The following RTF1 variants were observed in gnomAD, a reference collection of about 807,000 sequenced individuals.
The protein encoded by RTF1 is RNA polymerase-associated protein RTF1 homolog.
RTF1 carries 10 observed loss-of-function variants against 95.7 expected under a neutral mutation model. That is an observed-to-expected ratio of 0.10 (90% CI 0.06 to 0.18). The LOEUF (loss-of-function observed/expected upper bound fraction) is 0.18. Ranked by LOEUF, RTF1 falls within the 10% of genes least tolerant of loss-of-function variation. The pLI is 1.00. For missense variants in RTF1, 458 were observed against 875.6 expected (o/e 0.52, Z 6.02); for synonymous variants, 305 against 311.8 (o/e 0.98, Z 0.23).
At chr15:41,446,245 T>G (rs1319460314) in intron 2 of RTF1, among the ~76,000 whole-genome samples, 1 of 152,018 alleles carries the variant, frequency 6.6e-6, no homozygotes, top group African/African-American at 2.4e-5. Flanking sequence ...GAACTTTTTT[T>G]CCCCCACAGA....
chr15:41,449,839 AT>A (rs1208016187), intron 2 of RTF1, among the ~76,000 whole-genome samples: 1 of 152,042 alleles, frequency 6.6e-6, no homozygotes, highest in Non-Finnish European at 1.5e-5. Context: ...ACTTTTCTAT[AT>A]TTTTAAGGCC....
chr15:41,417,455 C>A (rs1423369822), intron 1 of RTF1, 142 bp downstream of exon 1: 2 of 700,788 alleles, frequency 2.9e-6, no homozygotes, highest in African/African-American at 1.8e-5. Context: ...AGCCCCTTTC[C>A]CGTCTTCCTG....
In RTF1 at chr15:41,471,231, T is replaced by C; in HGVS notation, c.1085T>C (p.Val362Ala). The stretch of plus-strand genomic sequence containing the variant: ...TCCTTACCTGAAGAATTGAATCGGG[T>C]TCGATTATCACGGCATAAGCTAGAA... ...PVSLPEELNR[V>A]RLSRHKLERW... is the part of the protein sequence containing the mutation. Residue 362 changes from valine (V) to alanine (A), a missense_variant, in exon 8 of 18, where the codon GTT becomes GCT. Val to Ala is a moderately conservative substitution (Grantham distance 64). Coordinates refer to ENST00000389629, the MANE Select transcript of RTF1 (RefSeq NM_015138.5). The C allele has an allele frequency of 6.2e-7, 1 of 1,613,670 alleles. No homozygotes were observed. The highest frequency in any genetic ancestry group is 8.5e-7 in the Non-Finnish European group (1 of 1,179,912).
rs1279783164 is a variant in RTF1, at chr15:41,474,057, AAG to A, written c.1204-557_1204-556del. On this transcript the variant is annotated intron_variant, in intron 8 of 17. Transcript: ENST00000389629. ...GTCTCAAAAACAAAAAACAAAAAAA[AAG>A]AGAGACTGGGTCTCTCTGTGTTGCT... 6.7e-4 allele frequency among the ~76,000 whole-genome samples: 101 copies of A among 151,810 alleles called. 1 individual carries two copies. In the South Asian group the frequency reaches 0.015, roughly 22 times the overall value.
At chr15:41,441,653 T>A (rs2050736512) in intron 2 of RTF1, among the ~76,000 whole-genome samples, 1 of 152,208 alleles carries the variant, frequency 6.6e-6, no homozygotes, top group Non-Finnish European at 1.5e-5. Context: ...AGTAAAAAAC[T>A]GCTCATCTTA....
Position 41,471,165 on chromosome 15 carries a change from C to G in RTF1, c.1026-7C>G. 6.3e-7 allele frequency: 1 copy of G among 1,587,608 alleles called. No individual in the cohort carries two copies. The highest frequency in any genetic ancestry group is 8.6e-7 in the Non-Finnish European group (1 of 1,169,104). ...CATTTTTTCCAGTGCCCCTTTGTTC[C>G]TCTTAGGAAAGAAGAGATCCCTCCC... is the stretch of plus-strand genomic sequence containing the variant. On this transcript the variant is annotated splice_polypyrimidine_tract_variant and splice_region_variant and intron_variant, in intron 7 of 17. Transcript: ENST00000389629.
At chr15:41,418,749 C>T (rs2050584589) in intron 1 of RTF1, among the ~76,000 whole-genome samples, 1 of 127,178 alleles carries the variant, frequency 7.9e-6, no homozygotes, top group Non-Finnish European at 1.6e-5. Context: ...GCGGAGGTTG[C>T]AGTGAGCCTG....
At chr15:41,479,063 G>C in intron 15 of RTF1, 40 bp from the exon 16 acceptor site, 1 of 1,411,290 alleles carries the variant, frequency 7.1e-7, no homozygotes, top group Non-Finnish European at 1.0e-6. Context: ...GACTCTGTGA[G>C]TGTCAAGCAA....
chr15:41,429,859 A>C (rs376119205), intron 1 of RTF1, among the ~76,000 whole-genome samples: 1 of 151,294 alleles, frequency 6.6e-6, no homozygotes, highest in Non-Finnish European at 1.5e-5. Flanking sequence ...CCTTCTTAAC[A>C]CTTACCATTA....
intron 1 of RTF1, among the ~76,000 whole-genome samples, chr15:41,422,538 G>A (rs1267520427): frequency 6.6e-6 from 1 of 152,080 alleles, no homozygotes; most frequent in African/African-American, 2.4e-5. Context: ...AAGCATTCAA[G>A]ATAATAAAGG....
intron 14 of RTF1, among the ~76,000 whole-genome samples, chr15:41,477,843 C>T (rs779476097): frequency 6.6e-6 from 1 of 152,198 alleles, no homozygotes; most frequent in Non-Finnish European, 1.5e-5. Flanking sequence ...CGGTGTCTCA[C>T]GCCTGTAATC....
chr15:41,467,762 C>T (rs568774981), intron 6 of RTF1, among the ~76,000 whole-genome samples: 11 of 151,156 alleles, frequency 7.3e-5, no homozygotes, highest in Admixed American at 1.3e-4. Context: ...TAGTGGCTCA[C>T]GCTTGTAATC....
rs2050703517 is a variant in RTF1 at position 41,436,483 on chromosome 15, G to C, written c.199-1838G>C. Among the ~76,000 whole-genome samples the C allele has an allele frequency of 2.7e-5, 4 of 149,508 alleles. No individual in the cohort carries two copies. In the South Asian group the frequency reaches 8.5e-4, roughly 32 times the overall value. On this transcript the variant is annotated intron_variant, in intron 1 of 17. Coordinates refer to ENST00000389629, the MANE Select transcript of RTF1 (RefSeq NM_015138.5). ...AAAAAAAAAAAAAAAAAATTGCCAGGCGTGGTGGTGGGTGCCTGTAGTCCC... is the reference window on the plus strand; with the variant it reads ...AAAAAAAAAAAAAAAAAATTGCCAGCCGTGGTGGTGGGTGCCTGTAGTCCC...
intron 1 of RTF1, among the ~76,000 whole-genome samples, chr15:41,436,826 C>T (rs1225159862): frequency 1.3e-5 from 2 of 151,660 alleles, no homozygotes; most frequent in Non-Finnish European, 2.9e-5. Flanking sequence ...TGGTGGCTCA[C>T]GCCTGTAATC....
rs550732631 is a variant in RTF1, at chr15:41,433,252, A to T, written c.199-5069A>T. Among the ~76,000 whole-genome samples the T allele has an allele frequency of 3.3e-5, 5 of 152,298 alleles. No homozygotes were observed. The East Asian group carries it at 5.8e-4, about 18-fold the overall frequency. On this transcript the variant is annotated intron_variant, in intron 1 of 17. Coordinates refer to ENST00000389629, the MANE Select transcript of RTF1 (RefSeq NM_015138.5). ...GACATAGTGAGAGTCCATCTCAAAAAAAATAAATAAATAAAAATATAAAAC... is the reference window on the plus strand; with the variant it reads ...GACATAGTGAGAGTCCATCTCAAAATAAATAAATAAATAAAAATATAAAAC...
At chr15:41,457,911 C>G in intron 4 of RTF1, 35 bp downstream of exon 4, 1 of 1,552,128 alleles carries the variant, frequency 6.4e-7, no homozygotes, top group African/African-American at 1.4e-5. Context: ...CCCCCCCGCC[C>G]CCACCTTTTC....
intron 5 of RTF1, 48 bp downstream of exon 5, chr15:41,464,933 AGTGTGTGTGTGT>A (rs67065750): frequency 2.7e-5 from 35 of 1,304,634 alleles, no homozygotes; most frequent in South Asian, 3.6e-5. Context: ...ACCTGTTTTG[AGTGTGTGTGTGT>A]GTGTGTGTGT....
In RTF1 at chr15:41,480,570, C is replaced by G; in HGVS notation, c.2027-11C>G. On this transcript the variant is annotated splice_polypyrimidine_tract_variant and intron_variant, in intron 17 of 17. Transcript: ENST00000389629. The stretch of plus-strand genomic sequence containing the variant: ...GGACCTCAGCTGCCAACTTGCTCTT[C>G]TTTCCCACAGAGTCAAAGGCTTTAG... 6.2e-7 allele frequency: 1 copy of G among 1,605,022 alleles called. No individual in the cohort carries two copies. Among genetic ancestry groups the G allele is most frequent in the Non-Finnish European group, 8.5e-7 (1 of 1,171,790 alleles).
intron 2 of RTF1, among the ~76,000 whole-genome samples, chr15:41,450,895 G>A (rs1332649067): frequency 6.6e-6 from 1 of 152,030 alleles, no homozygotes; most frequent in Admixed American, 6.6e-5. Context: ...AGGCTGCAGT[G>A]AGCTATCATC....
Sources: gnomAD v4.1 joint callset for allele counts (sites outside exome capture counted in the v4.1 genomes callset) on GRCh38, gnomAD v4.1.1 for gene constraint, MANE v1.5 for transcripts, NCBI Gene and HGNC (gene_info 2026-07-23, HGNC 2026-07-21) for gene names.